PNPT1: variants seen among roughly 807,000 people sequenced by gnomAD.
PNPT1 encodes the protein polyribonucleotide nucleotidyltransferase 1, also known as polyribonucleotide nucleotidyltransferase 1, mitochondrial.
A neutral mutation model predicts 119.5 loss-of-function variants in PNPT1; 53 were observed. The observed-to-expected ratio is 0.44, with a 90% confidence interval of 0.36 to 0.56. The LOEUF is 0.56. PNPT1 is among the 20% of genes least tolerant of loss of function. The pLI is 0.00. For missense variants in PNPT1, 948 were observed against 938.5 expected (o/e 1.01, Z -0.13); for synonymous variants, 357 against 322.1 (o/e 1.11, Z -1.16).
intron 1 of PNPT1, among the ~76,000 whole-genome samples, chr2:55,690,091 G>C (rs1471486480): frequency 6.6e-6 from 1 of 152,136 alleles, no homozygotes; most frequent in Non-Finnish European, 1.5e-5. Flanking sequence ...CAAAGTGCTA[G>C]GATTACAAAT....
chr2:55,673,368 T>A (rs987779839), intron 8 of PNPT1, among the ~76,000 whole-genome samples: 25 of 151,550 alleles, frequency 1.6e-4, no homozygotes, highest in African/African-American at 5.3e-4. Flanking sequence ...GCACATATTT[T>A]AAAAATAAGT....
intron 18 of PNPT1, among the ~76,000 whole-genome samples, chr2:55,654,193 G>C (rs1307658966): frequency 6.8e-6 from 1 of 148,080 alleles, no homozygotes; most frequent in African/African-American, 2.5e-5. Context: ...GGAGGCGGAG[G>C]TTGCAGTGAG....
chr2:55,669,291 GTTTTA>G (rs1183786747), intron 11 of PNPT1, among the ~76,000 whole-genome samples: 1 of 152,086 alleles, frequency 6.6e-6, no homozygotes, highest in Non-Finnish European at 1.5e-5. Context: ...AAGGCTTATG[GTTTTA>G]TTTTATTTTA....
Position 55,679,752 on chromosome 2 carries a change from G to A in PNPT1, c.609C>T (p.Asn203=). Residue 203 remains asparagine, a synonymous_variant, in exon 8 of 28, where the codon AAC becomes AAT. Coordinates refer to ENST00000447944, the MANE Select transcript of PNPT1 (RefSeq NM_033109.5). Reference sequence around the variant, plus strand: ...TAGAAGACATTTCTTTTCTTGTTGGGTTAACAACATATTCTCCATCAATTA... The same window carrying A: ...TAGAAGACATTTCTTTTCTTGTTGGATTAACAACATATTCTCCATCAATTA... ...IGIIDGEYVV[N]PTRKEMSSST... 2 of 1,611,042 alleles carry A rather than the reference G, an allele frequency of 1.2e-6. No homozygotes were observed. Among genetic ancestry groups the A allele is most frequent in the Admixed American group, 1.7e-5 (1 of 59,614 alleles).
chr2:55,635,657 CT>C lies in PNPT1; in HGVS notation c.*579del, dbSNP rs1236669127. ...TAGAATCTCATTTATATTTATTCCA[CT>C]CTGTTTATGATTTGGTAACTAATTT... On this transcript the variant is annotated 3_prime_UTR_variant, in exon 28 of 28. Coordinates refer to ENST00000447944, the MANE Select transcript of PNPT1 (RefSeq NM_033109.5). 2 of 141,244 alleles carry C rather than the reference CT, an allele frequency of 1.4e-5. No individual in the cohort carries two copies. The highest frequency in any genetic ancestry group is 1.5e-4 in the Admixed American group (2 of 13,764). The allele number at this position is 141,244 out of a possible 1,614,324, so 8.7% of individuals were successfully genotyped here.
chr2:55,642,206 AAAAAAAAG>A (rs1265396427), intron 25 of PNPT1, among the ~76,000 whole-genome samples: 2 of 152,210 alleles, frequency 1.3e-5, no homozygotes, highest in Admixed American at 6.5e-5. Flanking sequence ...CATCAAAAGA[AAAAAAAAG>A]AAATAAAGAA....
chr2:55,675,304 T>C (rs78101592), intron 8 of PNPT1, among the ~76,000 whole-genome samples: 1 of 146,728 alleles, frequency 6.8e-6, no homozygotes. Flanking sequence ...AAAAAAAAAA[T>C]ATGGCTGGGC....
intron 18 of PNPT1, among the ~76,000 whole-genome samples, chr2:55,652,540 A>AG (rs1290925300): frequency 6.6e-6 from 1 of 152,208 alleles, no homozygotes; most frequent in Non-Finnish European, 1.5e-5. Context: ...TGAAAGAGAC[A>AG]GGGCTGAAAT....
intron 12 of PNPT1, among the ~76,000 whole-genome samples, chr2:55,667,543 G>A (rs928764763): frequency 3.3e-5 from 5 of 151,256 alleles, no homozygotes; most frequent in East Asian, 1.9e-4. Flanking sequence ...GCAGTGAGCC[G>A]AGATTGCACT....
chr2:55,683,927 G>A, intron 4 of PNPT1, 93 bp from the exon 5 acceptor site: 2 of 1,254,142 alleles, frequency 1.6e-6, no homozygotes, highest in Non-Finnish European at 2.3e-6. Context: ...CATTCAATAT[G>A]TTTTCAAGAA....
rs757896637 is a variant in PNPT1, at chr2:55,635,219, G to A, written c.*1018C>T. ...CATCTATTTCAAACATCTATTAACC[G>A]AAAGTCATGATCCTTCAGCTCTTAT... On this transcript the variant is annotated 3_prime_UTR_variant, in exon 28 of 28. Transcript: ENST00000447944. 6.6e-6 allele frequency: 1 copy of A among 152,052 alleles called. No homozygotes were observed. The highest frequency in any genetic ancestry group is 2.4e-5 in the African/African-American group (1 of 41,364). 9.4% of individuals were successfully genotyped at this position (152,052 alleles called of 1,614,324 possible).
chr2:55,648,872 C>T (rs761117645), intron 18 of PNPT1, among the ~76,000 whole-genome samples: 1 of 152,126 alleles, frequency 6.6e-6, no homozygotes, highest in African/African-American at 2.4e-5. Flanking sequence ...TTTTCTTCTC[C>T]AAGATTTTGA....
intron 15 of PNPT1, among the ~76,000 whole-genome samples, chr2:55,659,048 G>A (rs1382709334): frequency 6.6e-6 from 1 of 152,138 alleles, no homozygotes; most frequent in African/African-American, 2.4e-5. Flanking sequence ...TCAGCCTCCT[G>A]GGCTCAAGCA....
intron 26 of PNPT1, among the ~76,000 whole-genome samples, chr2:55,638,669 A>G (rs925176632): frequency 3.9e-5 from 6 of 152,258 alleles, no homozygotes; most frequent in East Asian, 3.9e-4. Flanking sequence ...CAAGTTGTAG[A>G]TAACTACTGC....
chr2:55,681,408 A>G (rs1268184398), intron 5 of PNPT1, among the ~76,000 whole-genome samples: 3 of 152,062 alleles, frequency 2.0e-5, no homozygotes, highest in South Asian at 2.1e-4. Context: ...ATCTGTCTCT[A>G]AATAAATAAA....
At chr2:55,684,689 C>A (rs1018973039) in intron 4 of PNPT1, among the ~76,000 whole-genome samples, 3 of 152,234 alleles carry the variant, frequency 2.0e-5, no homozygotes, top group African/African-American at 7.2e-5. Context: ...CTCATTTAGT[C>A]AACAAATATT....
intron 1 of PNPT1, 85 bp from the exon 2 acceptor site, chr2:55,687,790 G>A (rs1344276705): frequency 9.2e-7 from 1 of 1,081,820 alleles, no homozygotes; most frequent in Non-Finnish European, 1.3e-6. Flanking sequence ...AAGATTCTAA[G>A]GGAAGATTCT....
intron 1 of PNPT1, among the ~76,000 whole-genome samples, chr2:55,688,071 T>A (rs1697470879): frequency 6.7e-6 from 1 of 150,282 alleles, no homozygotes; most frequent in Admixed American, 6.7e-5. Flanking sequence ...TGAGACAGGG[T>A]CTTGCTCTGT....
intron 21 of PNPT1, among the ~76,000 whole-genome samples, chr2:55,645,735 GC>G (rs1695976840): frequency 6.6e-6 from 1 of 152,116 alleles, no homozygotes; most frequent in Non-Finnish European, 1.5e-5. Flanking sequence ...TCACTACGTT[GC>G]CCAGGCTGGT....
Sources: allele counts gnomAD v4.1 joint callset (sites outside exome capture counted in the v4.1 genomes callset), GRCh38; gene constraint gnomAD v4.1.1; transcripts MANE v1.5; gene names NCBI Gene and HGNC (gene_info 2026-07-23, HGNC 2026-07-21).